The following TMPRSS11A variants were observed in gnomAD, a reference collection of about 807,000 sequenced individuals.
TMPRSS11A encodes transmembrane protease serine 11A.
TMPRSS11A carries 53 observed loss-of-function variants against 58.9 expected under a neutral mutation model. The ratio of observed to expected loss-of-function variants is 0.90; its 90% CI spans 0.72 to 1.13. TMPRSS11A has a LOEUF of 1.13. Ranked by LOEUF, TMPRSS11A falls within the 50% of genes most tolerant of loss-of-function variation. The probability of loss-of-function intolerance (pLI) is 0.00; values close to 1 mark genes in which losing one functional copy is unlikely to be tolerated. For missense variants in TMPRSS11A, 493 were observed against 499.3 expected (o/e 0.99, Z 0.12); for synonymous variants, 167 against 169.8 (o/e 0.98, Z 0.13).
chr4:67,958,454 T>A (rs2109773221), intron 1 of TMPRSS11A, among the ~76,000 whole-genome samples: 1 of 152,354 alleles, frequency 6.6e-6, no homozygotes, highest in Middle Eastern at 3.4e-3. Context: ...GCTTTAAGAT[T>A]TGACTGCTCT....
intron 1 of TMPRSS11A, among the ~76,000 whole-genome samples, chr4:67,948,404 C>T (rs1202680019): frequency 6.6e-6 from 1 of 152,072 alleles, no homozygotes; most frequent in African/African-American, 2.4e-5. Flanking sequence ...GTGATCCACC[C>T]ACCTCGGCCT....
intron 9 of TMPRSS11A, among the ~76,000 whole-genome samples, chr4:67,912,472 A>G (rs1304170523): frequency 1.3e-5 from 2 of 152,112 alleles, no homozygotes; most frequent in South Asian, 4.1e-4. Flanking sequence ...TTCTTGATTT[A>G]TTCCCTCATT....
intron 3 of TMPRSS11A, among the ~76,000 whole-genome samples, chr4:67,934,697 G>A (rs1189739167): frequency 6.6e-6 from 1 of 152,084 alleles, no homozygotes; most frequent in East Asian, 1.9e-4. Flanking sequence ...GCAATTGAAG[G>A]TTAGTTGGAT....
chr4:67,949,967 AC>A (rs1342875341), intron 1 of TMPRSS11A, among the ~76,000 whole-genome samples: 1 of 152,160 alleles, frequency 6.6e-6, no homozygotes, highest in African/African-American at 2.4e-5. Flanking sequence ...TTGGGATCTA[AC>A]CTTTTTGAAA....
Position 67,909,463 on chromosome 4 carries a change from G to A in TMPRSS11A, c.*1879C>T, listed in dbSNP as rs1174517932. 1 of 152,074 alleles carries A rather than the reference G, an allele frequency of 6.6e-6. No individual in the cohort carries two copies. The highest frequency in any genetic ancestry group is 1.5e-5 in the Non-Finnish European group (1 of 67,958). 9.4% of individuals were successfully genotyped at this position (152,074 alleles called of 1,614,324 possible). A position where few individuals can be genotyped will look rare whatever the true frequency, so the allele number is the denominator to read the frequency against. Reference sequence around the variant, plus strand: ...TATCTGCTTACATGTGACCCAAAATGAAATGCTGCACCAAATAGTTTAAAA... The same window carrying A: ...TATCTGCTTACATGTGACCCAAAATAAAATGCTGCACCAAATAGTTTAAAA... On this transcript the variant is annotated 3_prime_UTR_variant, in exon 10 of 10. Coordinates refer to ENST00000508048, the MANE Select transcript of TMPRSS11A (RefSeq NM_001114387.2).
At chr4:67,960,743 A>T (rs1442341347) in intron 1 of TMPRSS11A, among the ~76,000 whole-genome samples, 1 of 152,238 alleles carries the variant, frequency 6.6e-6, no homozygotes, top group African/African-American at 2.4e-5. Flanking sequence ...TGATTAAAAC[A>T]ATCAACTGAA....
In TMPRSS11A at chr4:67,947,381, G is replaced by C. The variant is rs149737358; in HGVS notation, c.12-810C>G. Among the ~76,000 whole-genome samples, 140 of 152,288 alleles carry C rather than the reference G, an allele frequency of 9.2e-4. 1 individual carries two copies. The highest frequency in any genetic ancestry group is 3.2e-3 in the African/African-American group (135 of 41,548). ...CTTTTTAATCTCTTTTAATCTAAAA[G>C]AGTCCTGCTTCTTTTTTAGTTTTTA... is the stretch of plus-strand genomic sequence containing the variant. On this transcript the variant is annotated intron_variant, in intron 1 of 9. Transcript: ENST00000508048.
chr4:67,932,297 C>A (rs927538096), intron 3 of TMPRSS11A, among the ~76,000 whole-genome samples: 7 of 152,230 alleles, frequency 4.6e-5, no homozygotes, highest in African/African-American at 1.7e-4. Context: ...GGGACCTAGG[C>A]ACTCATATTT....
intron 1 of TMPRSS11A, among the ~76,000 whole-genome samples, chr4:67,958,583 T>A (rs1721346512): frequency 1.3e-5 from 2 of 152,350 alleles, no homozygotes; most frequent in African/African-American, 4.8e-5. Context: ...AGTAACTAAC[T>A]TACTTTTGAT....
At chr4:67,911,716 T>A (rs964444481) in intron 9 of TMPRSS11A, among the ~76,000 whole-genome samples, 2 of 152,034 alleles carry the variant, frequency 1.3e-5, no homozygotes, top group Non-Finnish European at 2.9e-5. Flanking sequence ...TTTGTTAGAG[T>A]AAACAGCACT....
chr4:67,935,287 G>A (rs1720723653), intron 3 of TMPRSS11A, among the ~76,000 whole-genome samples: 1 of 152,012 alleles, frequency 6.6e-6, no homozygotes, highest in Non-Finnish European at 1.5e-5. Flanking sequence ...TTCAGGCATG[G>A]CCCTCATTTT....
chr4:67,938,796 G>T (rs113385549), intron 3 of TMPRSS11A, among the ~76,000 whole-genome samples: 1,659 of 151,302 alleles, frequency 0.011, 28 homozygotes, highest in African/African-American at 0.038. Flanking sequence ...ATGCCATTCT[G>T]TTTTGATTAC....
intron 1 of TMPRSS11A, among the ~76,000 whole-genome samples, chr4:67,958,746 G>A (rs1372008247): frequency 3.3e-5 from 5 of 152,070 alleles, no homozygotes; most frequent in African/African-American, 1.2e-4. Flanking sequence ...GTGGGGCCAG[G>A]GGCAAAATGA....
chr4:67,952,889 C>T (rs923150618), intron 1 of TMPRSS11A, among the ~76,000 whole-genome samples: 2 of 152,046 alleles, frequency 1.3e-5, no homozygotes, highest in African/African-American at 4.8e-5. Context: ...AGGTTTCACA[C>T]ATTCAGATAG....
intron 9 of TMPRSS11A, 108 bp from the exon 10 acceptor site, chr4:67,911,611 TAGA>T: frequency 1.3e-6 from 1 of 743,310 alleles, no homozygotes; most frequent in Non-Finnish European, 2.1e-6. Flanking sequence ...AGTACATGTA[TAGA>T]CTATCAACAC....
At position 67,918,970 on chromosome 4, in the gene TMPRSS11A, C is replaced by T. The variant is rs1411966512; in HGVS notation, c.952+3G>A. The T allele has an allele frequency of 6.2e-7, 1 of 1,613,996 alleles. No homozygotes were observed. Among genetic ancestry groups the T allele is most frequent in the East Asian group, 2.2e-5 (1 of 44,872 alleles). ...GCTCTGTTAGCTATCCTGAGATACCCACCACCATAGTAAAGTGCTCCAAAT... is the reference window on the plus strand; with the variant it reads ...GCTCTGTTAGCTATCCTGAGATACCTACCACCATAGTAAAGTGCTCCAAAT... On this transcript the variant is annotated splice_donor_region_variant and intron_variant, in intron 8 of 9. Coordinates refer to ENST00000508048, the MANE Select transcript of TMPRSS11A (RefSeq NM_001114387.2).
At chr4:67,929,854 T>C (rs769609580) in intron 5 of TMPRSS11A, 26 bp downstream of exon 5, 2 of 1,572,604 alleles carry the variant, frequency 1.3e-6, no homozygotes, top group South Asian at 1.2e-5. Context: ...GACAACTTCA[T>C]ATCACATAGA....
Position 67,938,969 on chromosome 4 carries a change from T to C in TMPRSS11A, c.252+5550A>G, listed in dbSNP as rs916891451. ...GTGGAAAATTATGTTGGTAGTTTGA[T>C]AGGAATAGCATTGAATCTGTAGATT... On this transcript the variant is annotated intron_variant, in intron 3 of 9. Coordinates refer to ENST00000508048, the MANE Select transcript of TMPRSS11A (RefSeq NM_001114387.2). 3.3e-5 allele frequency among the ~76,000 whole-genome samples: 5 copies of C among 152,098 alleles called. No homozygotes were observed. The South Asian group carries it at 6.2e-4, about 19-fold the overall frequency.
Position 67,958,333 on chromosome 4 carries a change from G to T in TMPRSS11A, c.11+5050C>A, listed in dbSNP as rs188143978. On this transcript the variant is annotated intron_variant, in intron 1 of 9. Coordinates refer to ENST00000508048, the MANE Select transcript of TMPRSS11A (RefSeq NM_001114387.2). ...GCCTGTGAAAGCAGCTGGGAGGGAG[G>T]CTATACCCTGCAAAGCCACAGGGTT... 2.7e-3 allele frequency among the ~76,000 whole-genome samples: 407 copies of T among 152,284 alleles called. 4 individuals carry two copies. Among genetic ancestry groups the T allele is most frequent in the African/African-American group, 7.7e-3 (320 of 41,566 alleles).
Sources: gnomAD v4.1 joint callset for allele counts (sites outside exome capture counted in the v4.1 genomes callset) on GRCh38, gnomAD v4.1.1 for gene constraint, MANE v1.5 for transcripts, NCBI Gene and HGNC (gene_info 2026-07-23, HGNC 2026-07-21) for gene names.